DDX42: variants seen among roughly 807,000 people sequenced by gnomAD.
DDX42 encodes the protein ATP-dependent RNA helicase DDX42.
In DDX42, 22 loss-of-function variants were observed where a neutral mutation model predicts 101.5. That is an observed-to-expected ratio of 0.22 (90% CI 0.15 to 0.31). DDX42 has a LOEUF of 0.31. Ranked by LOEUF, DDX42 falls within the 10% of genes least tolerant of loss-of-function variation. The pLI, the probability that DDX42 is intolerant of heterozygous loss-of-function variation, is 1.00. For synonymous variants in DDX42, 402 were observed against 401.2 expected (o/e 1.00, Z -0.02); for missense variants, 849 against 1,199.9 (o/e 0.71, Z 4.32).
intron 1 of DDX42, among the ~76,000 whole-genome samples, chr17:63,784,156 A>C (rs144750876): frequency 6.6e-6 from 1 of 152,204 alleles, no homozygotes; most frequent in African/African-American, 2.4e-5. Context: ...TATGAAGTAT[A>C]TATAGACAAG....
chr17:63,781,670 A>G (rs2039489681), intron 1 of DDX42, among the ~76,000 whole-genome samples: 1 of 151,766 alleles, frequency 6.6e-6, no homozygotes, highest in Admixed American at 6.6e-5. Context: ...GTTTCCATGT[A>G]AGCTTCTCTT....
chr17:63,804,949 G>T, intron 6 of DDX42, 122 bp from the exon 7 acceptor site: 1 of 1,214,046 alleles, frequency 8.2e-7, no homozygotes, highest in Non-Finnish European at 1.1e-6. Flanking sequence ...TAATTTTTTT[G>T]CTTTCTCTAG....
intron 17 of DDX42, chr17:63,817,191 CTGGGATTGT>C (rs1366352772): frequency 2.0e-6 from 1 of 491,418 alleles, no homozygotes; most frequent in African/African-American, 2.0e-5. Flanking sequence ...CACTTGGGGC[CTGGGATTGT>C]TGTCCTGCAG....
chr17:63,794,923 G>A (rs1364521762), intron 3 of DDX42, among the ~76,000 whole-genome samples: 3 of 143,538 alleles, frequency 2.1e-5, no homozygotes, highest in African/African-American at 7.8e-5. Context: ...GCAATAGAGT[G>A]AGACTCCATC....
At chr17:63,804,914 T>C (rs983535790) in intron 6 of DDX42, 157 bp from the exon 7 acceptor site, 4 of 852,560 alleles carry the variant, frequency 4.7e-6, no homozygotes, top group African/African-American at 3.5e-5. Context: ...AGCTATACTT[T>C]TTAGGATCTA....
At chr17:63,811,738 G>A (rs1837325400) in intron 13 of DDX42, 194 bp from the exon 14 acceptor site, 3 of 692,054 alleles carry the variant, frequency 4.3e-6, no homozygotes, top group Non-Finnish European at 7.6e-6. Context: ...AATTAGGTAT[G>A]TACACCAGGT....
Position 63,800,619 on chromosome 17 carries a change from T to C in DDX42, c.621+2T>C, listed in dbSNP as rs2039751179. The C allele has an allele frequency of 6.2e-7, 1 of 1,611,426 alleles. No individual in the cohort carries two copies. The highest frequency in any genetic ancestry group is 8.5e-7 in the Non-Finnish European group (1 of 1,179,176). Reference sequence around the variant, plus strand: ...CTTCCCCCCATTGATCATTCAGAGGTATGGTGTTTCTTGCTGAATTTTACT... The same window carrying C: ...CTTCCCCCCATTGATCATTCAGAGGCATGGTGTTTCTTGCTGAATTTTACT... On this transcript the variant is annotated splice_donor_variant, in intron 6 of 17. Transcript: ENST00000389924. LOFTEE classifies it high-confidence loss of function.
chr17:63,801,980 A>T (rs1302736999), intron 6 of DDX42, among the ~76,000 whole-genome samples: 2 of 152,208 alleles, frequency 1.3e-5, no homozygotes. Context: ...CTCAGTGTGG[A>T]CCAAGAACCC....
At chr17:63,809,808 T>C (rs2039887509) in intron 11 of DDX42, 149 bp downstream of exon 11, 1 of 622,812 alleles carries the variant, frequency 1.6e-6, no homozygotes, top group Non-Finnish European at 2.8e-6. Flanking sequence ...AGATGAACAT[T>C]TTTAGGAGTT....
intron 16 of DDX42, chr17:63,816,623 G>C (rs2039980072): frequency 2.9e-6 from 1 of 345,076 alleles, no homozygotes; most frequent in Non-Finnish European, 5.2e-6. Flanking sequence ...ATCAACTTTG[G>C]GCATAATCTG....
At chr17:63,777,175 C>T (rs61246023) in intron 1 of DDX42, among the ~76,000 whole-genome samples, 2,198 of 152,258 alleles carry the variant, frequency 0.014, 59 homozygotes, top group African/African-American at 0.05. Flanking sequence ...TCCCAAAGGG[C>T]GAGGATTACA....
At chr17:63,787,986 C>A (rs1275764831) in intron 2 of DDX42, among the ~76,000 whole-genome samples, 7 of 146,642 alleles carry the variant, frequency 4.8e-5, no homozygotes, top group Non-Finnish European at 1.0e-4. Flanking sequence ...TTCACCGCAA[C>A]TTCAACCTCT....
At position 63,784,753 on chromosome 17, in the gene DDX42, G is replaced by T. The variant is rs147993752; in HGVS notation, c.-16-2281G>T. Among the ~76,000 whole-genome samples, 581 of 151,984 alleles carry T rather than the reference G, an allele frequency of 3.8e-3. 12 individuals are homozygous for T. The highest frequency in any genetic ancestry group is 0.027 in the Admixed American group (409 of 15,220). On this transcript the variant is annotated intron_variant, in intron 1 of 17. Coordinates refer to ENST00000389924, the MANE Select transcript of DDX42 (RefSeq NM_203499.3). ...CAGACCACTGTAATGCAGCCTGGGTGACAGCAAGAACTTGTCTTAAAAAAA... is the reference window on the plus strand; with the variant it reads ...CAGACCACTGTAATGCAGCCTGGGTTACAGCAAGAACTTGTCTTAAAAAAA...
At chr17:63,794,885 G>A (rs1248814498) in intron 3 of DDX42, among the ~76,000 whole-genome samples, 2 of 150,220 alleles carry the variant, frequency 1.3e-5, no homozygotes, top group African/African-American at 4.9e-5. Context: ...ATAGTGAACC[G>A]AGATGGCGCC....
chr17:63,808,677 T>C, intron 9 of DDX42, 143 bp from the exon 10 acceptor site: 1 of 814,840 alleles, frequency 1.2e-6, no homozygotes, highest in Non-Finnish European at 1.9e-6. Context: ...TTTATACCTT[T>C]ATGAATAAAA....
intron 12 of DDX42, 146 bp downstream of exon 12, chr17:63,810,706 C>G (rs532169951): frequency 2.6e-6 from 2 of 768,074 alleles, no homozygotes; most frequent in South Asian, 3.2e-5. Context: ...TTTATCTGAG[C>G]TGGACAGGAT....
At chr17:63,809,073 A>C (rs930108530) in intron 10 of DDX42, 125 bp downstream of exon 10, 1 of 1,358,542 alleles carries the variant, frequency 7.4e-7, no homozygotes, top group Non-Finnish European at 1.0e-6. Context: ...GATGAACGGC[A>C]GGCTGTGGTT....
At chr17:63,805,239 G>A in intron 7 of DDX42, 64 bp downstream of exon 7, 1 of 1,553,058 alleles carries the variant, frequency 6.4e-7, no homozygotes. Context: ...TAGTATTATT[G>A]GTTATCTAAA....
At chr17:63,785,286 TAAAAATACA>T (rs2039533522) in intron 1 of DDX42, among the ~76,000 whole-genome samples, 1 of 149,098 alleles carries the variant, frequency 6.7e-6, no homozygotes, top group Non-Finnish European at 1.5e-5. Context: ...CCATCTCTAC[TAAAAATACA>T]AAATATTAGC....
Sources: allele counts gnomAD v4.1 joint callset (sites outside exome capture counted in the v4.1 genomes callset), GRCh38; gene constraint gnomAD v4.1.1; transcripts MANE v1.5; gene names NCBI Gene and HGNC (gene_info 2026-07-23, HGNC 2026-07-21).